METTL4: variants seen among roughly 807,000 people sequenced by gnomAD.
METTL4 encodes the protein N(6)-adenine-specific methyltransferase METTL4.
METTL4 carries 40 observed loss-of-function variants against 54.0 expected under a neutral mutation model. The observed-to-expected ratio is 0.74, with a 90% CI of 0.58 to 0.96. METTL4 has a LOEUF of 0.96. METTL4 is among the 50% of genes least tolerant of loss of function. The pLI is 0.00. For synonymous variants in METTL4, 169 were observed against 183.8 expected (o/e 0.92, Z 0.65); for missense variants, 525 against 549.0 (o/e 0.96, Z 0.44).
rs1022261150 is a variant in METTL4, at chr18:2,571,485, A to G, written c.-775T>C. ...GGGCGCGACCAGCACGCAGCCTTCC[A>G]GCGACGAGGCGGTCGCATGGAAGTT... On this transcript the variant is annotated 5_prime_UTR_variant, in exon 1 of 9. Transcript: ENST00000574538. The G allele has an allele frequency of 1.3e-5, 2 of 152,200 alleles. No homozygotes were observed. Among genetic ancestry groups the G allele is most frequent in the African/African-American group, 4.8e-5 (2 of 41,446 alleles). 9.4% of individuals were successfully genotyped at this position (152,200 alleles called of 1,614,324 possible).
intron 3 of METTL4, among the ~76,000 whole-genome samples, chr18:2,563,489 A>G (rs2072353292): frequency 6.7e-6 from 1 of 150,056 alleles, no homozygotes; most frequent in African/African-American, 2.4e-5. Flanking sequence ...AGCTACTCAG[A>G]GGAGGCCAAG....
In METTL4 at chr18:2,538,025, G is replaced by T; in HGVS notation, c.*975C>A. ...TGTATATATGTTTTCAAAATTCACT[G>T]AATTTGACACTGAAAATTGGAGAAT... is the stretch of plus-strand genomic sequence containing the variant. On this transcript the variant is annotated 3_prime_UTR_variant, in exon 9 of 9. Coordinates refer to ENST00000574538, the MANE Select transcript of METTL4 (RefSeq NM_022840.5). The T allele has an allele frequency of 2.5e-6, 1 of 398,096 alleles. No individual in the cohort carries two copies. Among genetic ancestry groups the T allele is most frequent in the Non-Finnish European group, 4.4e-6 (1 of 225,800 alleles). The allele number at this position is 398,096 out of a possible 1,614,324, so 24.7% of individuals were successfully genotyped here.
At chr18:2,566,191 A>G (rs959658415) in intron 2 of METTL4, among the ~76,000 whole-genome samples, 1 of 152,062 alleles carries the variant, frequency 6.6e-6, no homozygotes, top group Admixed American at 6.5e-5. Context: ...GAAAGAGATA[A>G]AAAGTATTAA....
intron 8 of METTL4, chr18:2,539,810 C>T (rs1598339346): frequency 1.5e-5 from 14 of 939,208 alleles, no homozygotes; most frequent in Non-Finnish European, 1.8e-5. Flanking sequence ...ATAACCCATA[C>T]ATGAAAAAGA....
rs1185123336 is a variant in METTL4 at position 2,537,987 on chromosome 18, GCAGA to G, written c.*1009_*1012del. The G allele has an allele frequency of 1.0e-5, 4 of 398,316 alleles. No homozygotes were observed. The highest frequency in any genetic ancestry group is 6.2e-4 in the Middle Eastern group (1 of 1,608). The allele number at this position is 398,316 out of a possible 1,614,324, so 24.7% of individuals were successfully genotyped here. The stretch of plus-strand genomic sequence containing the variant: ...AGTGTTCTGTATCATGATCACTGTG[GCAGA>G]CAGACAACTGTATATATGTTTTCAA... On this transcript the variant is annotated 3_prime_UTR_variant, in exon 9 of 9. Coordinates refer to ENST00000574538, the MANE Select transcript of METTL4 (RefSeq NM_022840.5).
Position 2,552,719 on chromosome 18 carries a change from T to C in METTL4, c.875A>G (p.Asn292Ser). 2 of 1,611,506 alleles carry C rather than the reference T, an allele frequency of 1.2e-6. No homozygotes were observed. The highest frequency in any genetic ancestry group is 1.7e-6 in the Non-Finnish European group (2 of 1,179,062). ...DVIVIDPPWQNKSVKRSNRYS... is the reference protein window; with the variant it reads ...DVIVIDPPWQSKSVKRSNRYS... ...CCTATTACTTCTTTTAACTGATTTG[T>C]TCTGCCATGGTGGATCTATCACAAT... is the stretch of plus-strand genomic sequence containing the variant. Residue 292 changes from asparagine (N) to serine (S), a missense_variant, in exon 5 of 9, where the codon AAC becomes AGC. Transcript: ENST00000574538.
intron 3 of METTL4, among the ~76,000 whole-genome samples, chr18:2,556,174 C>T (rs1016076446): frequency 3.3e-5 from 5 of 152,052 alleles, no homozygotes; most frequent in African/African-American, 7.2e-5. Flanking sequence ...TGAAATGACC[C>T]GAGGAAACAA....
At chr18:2,564,232 T>A (rs375311236) in intron 2 of METTL4, among the ~76,000 whole-genome samples, 1 of 144,230 alleles carries the variant, frequency 6.9e-6, no homozygotes, top group African/African-American at 2.6e-5. Flanking sequence ...TGAAACCCCA[T>A]CTCTACTAAA....
Position 2,554,876 on chromosome 18 carries a change from A to T in METTL4, c.622T>A (p.Leu208Met). ...TGTTCCATTTCATTCAGAGAAGGCA[A>T]ATGCTTTGCCATTTCACATAATTCT... ...LSELCEMAKH[L>M]PSLNEMEHQT... The change falls in exon 4 of 9, where the codon TTG becomes ATG. Residue 208 changes from leucine (L) to methionine (M), a missense_variant. Physicochemically the swap from Leu to Met is conservative, Grantham distance 15. Transcript: ENST00000574538. The T allele has an allele frequency of 6.2e-7, 1 of 1,614,068 alleles. No individual in the cohort carries two copies. Among genetic ancestry groups the T allele is most frequent in the Non-Finnish European group, 8.5e-7 (1 of 1,179,950 alleles).
chr18:2,538,995 C>G lies in METTL4; in HGVS notation c.*5G>C. 1 of 1,613,016 alleles carries G rather than the reference C, an allele frequency of 6.2e-7. No individual in the cohort carries two copies. Among genetic ancestry groups the G allele is most frequent in the Non-Finnish European group, 8.5e-7 (1 of 1,179,514 alleles). On this transcript the variant is annotated 3_prime_UTR_variant, in exon 9 of 9. Coordinates refer to ENST00000574538, the MANE Select transcript of METTL4 (RefSeq NM_022840.5). ...AAGAAACCACTACTTTAATCAAGAT[C>G]ATAGTCAGCTTCCAGACTCCACAGC...
chr18:2,567,075 G>A lies in METTL4; in HGVS notation c.142C>T (p.Leu48Phe). The A allele has an allele frequency of 6.2e-7, 1 of 1,614,202 alleles. No homozygotes were observed. Among genetic ancestry groups the A allele is most frequent in the East Asian group, 2.2e-5 (1 of 44,872 alleles). ...EFTTSVHFES[L>F]QMDSVSSSGV... ...GAGGAGGACACAGAATCCATTTGAAGAGACTCAAAGTGAACAGAAGTAGTG... is the reference window on the plus strand; with the variant it reads ...GAGGAGGACACAGAATCCATTTGAAAAGACTCAAAGTGAACAGAAGTAGTG... The change falls in exon 2 of 9, where the codon CTT becomes TTT. Residue 48 changes from leucine (L) to phenylalanine (F), a missense_variant. Transcript: ENST00000574538.
intron 8 of METTL4, chr18:2,539,834 T>C (rs1347040760): frequency 4.6e-6 from 4 of 873,266 alleles, no homozygotes; most frequent in African/African-American, 5.1e-5. Context: ...CTAAAAAAAA[T>C]TGAAAAACAA....
rs1361586031 is a variant in METTL4 at position 2,554,753 on chromosome 18, T to C, written c.745A>G (p.Thr249Ala). 7 of 1,613,370 alleles carry C rather than the reference T, an allele frequency of 4.3e-6. No individual in the cohort carries two copies. In the African/African-American group the frequency reaches 8.0e-5, roughly 18 times the overall value. ...ENNSSFTKVITLMGQKYLLPP... is the reference protein window; with the variant it reads ...ENNSSFTKVIALMGQKYLLPP... ...AGCAGGTATTTCTGTCCCATTAAAG[T>C]AATCACTTTTGTAAAGCTAGAGTTG... Residue 249 changes from threonine to alanine, a missense_variant, in exon 4 of 9, where the codon ACT (threonine) becomes GCT (alanine). Physicochemically the swap from Thr to Ala is moderately conservative, Grantham distance 58 (BLOSUM62 0). Transcript: ENST00000574538.
At chr18:2,549,893 C>T (rs981579136) in intron 5 of METTL4, among the ~76,000 whole-genome samples, 2 of 149,886 alleles carry the variant, frequency 1.3e-5, no homozygotes, top group Non-Finnish European at 3.0e-5. Flanking sequence ...ACTCAGGAGG[C>T]TAAGGCAGAA....
In METTL4 at chr18:2,567,652, A is replaced by C. The variant is rs2072441563; in HGVS notation, c.-436T>G. The C allele has an allele frequency of 6.5e-6, 1 of 154,186 alleles. No individual in the cohort carries two copies. Among genetic ancestry groups the C allele is most frequent in the Non-Finnish European group, 1.4e-5 (1 of 69,568 alleles). The allele number at this position is 154,186 out of a possible 1,614,324, so 9.6% of individuals were successfully genotyped here. A position where few individuals can be genotyped will look rare whatever the true frequency, so the allele number is the denominator to read the frequency against. ...CATTGAATCCTTAAAAGGACAAAGT[A>C]GCCTGTAAAAGCAAAGAACACTACA... On this transcript the variant is annotated splice_region_variant and 5_prime_UTR_variant, in exon 2 of 9. Coordinates refer to ENST00000574538, the MANE Select transcript of METTL4 (RefSeq NM_022840.5).
intron 3 of METTL4, 39 bp from the exon 4 acceptor site, chr18:2,555,077 A>G (rs757792808): frequency 3.2e-6 from 5 of 1,581,328 alleles, no homozygotes; most frequent in Non-Finnish European, 4.3e-6. Context: ...GAACGTTGAC[A>G]TTAAAAAAGA....
At chr18:2,547,168 A>G (rs1438995719) in intron 6 of METTL4, among the ~76,000 whole-genome samples, 187 bp downstream of exon 6, 1 of 152,178 alleles carries the variant, frequency 6.6e-6, no homozygotes, top group Non-Finnish European at 1.5e-5. Context: ...CCCATTACAA[A>G]AAGACATACA....
Position 2,563,921 on chromosome 18 carries a change from T to C in METTL4, c.397-62A>G. The C allele has an allele frequency of 5.6e-6, 6 of 1,072,012 alleles. No individual in the cohort carries two copies. In the South Asian group the frequency reaches 8.2e-5, roughly 15 times the overall value. 66.4% of individuals were successfully genotyped at this position (1,072,012 alleles called of 1,614,324 possible). On this transcript the variant is annotated intron_variant, in intron 2 of 8. Coordinates refer to ENST00000574538, the MANE Select transcript of METTL4 (RefSeq NM_022840.5). Reference sequence around the variant, plus strand: ...TGCCATTAATATTTTGCTTTTTCATTATAACATTATTTATGTCTTATATCT... The same window carrying C: ...TGCCATTAATATTTTGCTTTTTCATCATAACATTATTTATGTCTTATATCT...
chr18:2,561,067 A>T (rs573242464), intron 3 of METTL4: 10 of 152,256 alleles, frequency 6.6e-5, no homozygotes, highest in African/African-American at 2.4e-4. Context: ...TTCAATCTCC[A>T]TATATGCCTA....
Sources: allele counts gnomAD v4.1 joint callset (sites outside exome capture counted in the v4.1 genomes callset), GRCh38; gene constraint gnomAD v4.1.1; transcripts MANE v1.5; gene names NCBI Gene and HGNC (gene_info 2026-07-23, HGNC 2026-07-21).